The following RNF43 variants were observed in gnomAD, a reference collection of about 807,000 sequenced individuals.
RNF43 encodes E3 ubiquitin-protein ligase RNF43.
Under a neutral mutation model 78.4 loss-of-function variants are expected in RNF43, and 37 were observed. That is an observed-to-expected ratio of 0.47 (90% CI 0.36 to 0.62). The LOEUF is 0.62. Among genes scored for constraint, RNF43 ranks in the 20% least tolerant of loss-of-function variants. RNF43 has a pLI of 0.00. For synonymous variants in RNF43, 347 were observed against 395.0 expected (o/e 0.88, Z 1.44); for missense variants, 774 against 1,007.9 (o/e 0.77, Z 3.14).
At chr17:58,370,031 G>C (rs1475226617) in intron 3 of RNF43, among the ~76,000 whole-genome samples, 2 of 148,694 alleles carry the variant, frequency 1.3e-5, no homozygotes, top group Admixed American at 6.7e-5. Context: ...GTGCTTTGCA[G>C]GTTTCTTCTA....
chr17:58,359,057 A>C (rs1972773057), intron 8 of RNF43, among the ~76,000 whole-genome samples: 1 of 152,094 alleles, frequency 6.6e-6, no homozygotes, highest in Non-Finnish European at 1.5e-5. Context: ...ACCTCCCCTC[A>C]GCCATTTGGA....
intron 6 of RNF43, among the ~76,000 whole-genome samples, chr17:58,362,012 G>A (rs1004978406): frequency 6.6e-6 from 1 of 151,924 alleles, no homozygotes; most frequent in Non-Finnish European, 1.5e-5. Context: ...CTTGAACCCA[G>A]GAGGCAGAGA....
intron 3 of RNF43, among the ~76,000 whole-genome samples, chr17:58,367,787 C>T (rs140431380): frequency 2.0e-5 from 3 of 152,102 alleles, no homozygotes; most frequent in Non-Finnish European, 2.9e-5. Context: ...AAAGAATAAG[C>T]GAGATAACAA....
At chr17:58,381,387 T>C (rs1973314560) in intron 2 of RNF43, among the ~76,000 whole-genome samples, 1 of 152,230 alleles carries the variant, frequency 6.6e-6, no homozygotes, top group African/African-American at 2.4e-5. Flanking sequence ...GTCCATGCGG[T>C]GGCCCTAGGG....
At chr17:58,408,220 G>A (rs539513891) in intron 2 of RNF43, among the ~76,000 whole-genome samples, 14 of 152,124 alleles carry the variant, frequency 9.2e-5, no homozygotes, top group Non-Finnish European at 1.8e-4. Flanking sequence ...CTTTTCATCT[G>A]GAGTCCTTAG....
chr17:58,360,226 T>C lies in RNF43; in HGVS notation c.875A>G (p.His292Arg), dbSNP rs768506009. Residue 292 changes from histidine (H) to arginine (R), a missense_variant, in exon 8 of 10, where the codon CAT (histidine) becomes CGT (arginine). His to Arg is a conservative substitution (Grantham distance 29, BLOSUM62 0). Coordinates refer to ENST00000407977, the MANE Select transcript of RNF43 (RefSeq NM_017763.6). This position sits in a 1 kb window ranked among gnomAD's most constrained non-coding sequence, Gnocchi z 4.3. ...GTCCACACAGTTACGATGGAACTCA[T>C]GGAGGCAGGAAATGACCCGTAGCTC... ...GQELRVISCL[H>R]EFHRNCVDPW... is the part of the protein sequence containing the mutation. 6.2e-7 allele frequency: 1 copy of C among 1,614,078 alleles called. No homozygotes were observed. Among genetic ancestry groups the C allele is most frequent in the Non-Finnish European group, 8.5e-7 (1 of 1,179,976 alleles).
intron 2 of RNF43, among the ~76,000 whole-genome samples, chr17:58,396,242 G>A (rs1414479433): frequency 6.6e-6 from 1 of 152,086 alleles, no homozygotes; most frequent in Non-Finnish European, 1.5e-5. Flanking sequence ...ACTTGACAGT[G>A]GGCATGGATT....
In RNF43 at chr17:58,360,318, A is replaced by AT. The variant is rs1289923292; in HGVS notation, c.850-68dup. 8 of 1,164,398 alleles carry AT rather than the reference A, an allele frequency of 6.9e-6. No individual in the cohort carries two copies. Among genetic ancestry groups the AT allele is most frequent in the Non-Finnish European group, 1.0e-5 (8 of 772,954 alleles). The allele number at this position is 1,164,398 out of a possible 1,614,324, so 72.1% of individuals were successfully genotyped here. ...CATAGGAATTGCCAGGAATCAGGAC[A>AT]TCCCCCAACTCCCTTAGGCCTCTCC... On this transcript the variant is annotated intron_variant, in intron 7 of 9. Coordinates refer to ENST00000407977, the MANE Select transcript of RNF43 (RefSeq NM_017763.6). This position sits in a 1 kb window ranked among gnomAD's most constrained non-coding sequence, Gnocchi z 4.3.
intron 2 of RNF43, among the ~76,000 whole-genome samples, chr17:58,392,315 C>G (rs1027842298): frequency 6.6e-6 from 1 of 152,176 alleles, no homozygotes; most frequent in African/African-American, 2.4e-5. Flanking sequence ...GTTTTTTGCA[C>G]AAATACATAC....
In RNF43 at chr17:58,362,560, G is replaced by C. The variant is rs374485752; in HGVS notation, c.671C>G (p.Pro224Arg). The C allele has an allele frequency of 1.5e-4, 241 of 1,606,602 alleles. No homozygotes were observed. The highest frequency in any genetic ancestry group is 1.8e-4 in the Non-Finnish European group (210 of 1,176,148). Residue 224 changes from proline to arginine, a missense_variant, in exon 6 of 10, where the codon CCC becomes CGC. Coordinates refer to ENST00000407977, the MANE Select transcript of RNF43 (RefSeq NM_017763.6). ...ACTGCTCACCGGCCTGCTGTGGCGG[G>C]GGCGGCACCGGATGCGCAGCACCGA... ...LASVLRIRCR[P>R]RHSRPDPLQQ... is the part of the protein sequence containing the mutation.
In RNF43 at chr17:58,354,437, G is replaced by C; in HGVS notation, c.*506C>G. The C allele has an allele frequency of 4.1e-6, 1 of 243,848 alleles. No individual in the cohort carries two copies. The allele number at this position is 243,848 out of a possible 1,614,324, so 15.1% of individuals were successfully genotyped here. ...AAAGGAAAATGATAGAGCCAGGGTT[G>C]CCCCTGATGTAGCAGCCTTACTGTG... On this transcript the variant is annotated 3_prime_UTR_variant, in exon 10 of 10. Transcript: ENST00000407977.
At chr17:58,364,919 C>T (rs1365412443) in intron 3 of RNF43, among the ~76,000 whole-genome samples, 1 of 152,246 alleles carries the variant, frequency 6.6e-6, no homozygotes, top group East Asian at 1.9e-4. Flanking sequence ...ACTCCCCAGA[C>T]AGCAGCAAGG....
intron 2 of RNF43, among the ~76,000 whole-genome samples, chr17:58,373,652 C>T (rs1973146990): frequency 6.6e-6 from 1 of 152,140 alleles, no homozygotes; most frequent in African/African-American, 2.4e-5. Flanking sequence ...AAGCATTAAT[C>T]CCTTGTATTA....
chr17:58,417,163 C>T lies in RNF43; in HGVS notation c.-532G>A, dbSNP rs1461976656. 6.6e-6 allele frequency: 1 copy of T among 152,152 alleles called. No homozygotes were observed. Among genetic ancestry groups the T allele is most frequent in the African/African-American group, 2.4e-5 (1 of 41,420 alleles). 9.4% of individuals were successfully genotyped at this position (152,152 alleles called of 1,614,324 possible). A position where few individuals can be genotyped will look rare whatever the true frequency, so the allele number is the denominator to read the frequency against. On this transcript the variant is annotated 5_prime_UTR_variant, in exon 1 of 10. Coordinates refer to ENST00000407977, the MANE Select transcript of RNF43 (RefSeq NM_017763.6). ...CTTACTCTGCAACCAAACCAAGTGC[C>T]CCATACTACAGGTAGGTGCCGAGAA...
chr17:58,374,191 G>A (rs1299857023), intron 2 of RNF43, among the ~76,000 whole-genome samples: 3 of 150,120 alleles, frequency 2.0e-5, no homozygotes, highest in Non-Finnish European at 4.4e-5. Context: ...GTAGAGATTA[G>A]AAAAAAAAAG....
chr17:58,390,256 GAGC>G (rs1973523467), intron 2 of RNF43, among the ~76,000 whole-genome samples: 1 of 152,168 alleles, frequency 6.6e-6, no homozygotes, highest in African/African-American at 2.4e-5. Context: ...CATGAGATCA[GAGC>G]TTTCTAACTA....
At chr17:58,409,210 T>C (rs1973975226) in intron 2 of RNF43, among the ~76,000 whole-genome samples, 1 of 152,210 alleles carries the variant, frequency 6.6e-6, no homozygotes, top group Admixed American at 6.5e-5. Flanking sequence ...TCTTTCCCAA[T>C]ATATTTCCTT....
chr17:58,373,056 C>G (rs1341999778), intron 2 of RNF43, among the ~76,000 whole-genome samples: 1 of 152,208 alleles, frequency 6.6e-6, no homozygotes, highest in Non-Finnish European at 1.5e-5. Flanking sequence ...GGTGGGGAAT[C>G]TGAAGGCAGC....
intron 2 of RNF43, among the ~76,000 whole-genome samples, chr17:58,387,769 G>C (rs151140091): frequency 2.0e-5 from 3 of 152,128 alleles, no homozygotes; most frequent in Non-Finnish European, 2.9e-5. Context: ...AAAAAGTTCC[G>C]AATAGTTCTG....
Sources: allele counts gnomAD v4.1 joint callset (sites outside exome capture counted in the v4.1 genomes callset), GRCh38; gene constraint gnomAD v4.1.1; non-coding constraint Gnocchi (gnomAD v3.1); transcripts MANE v1.5; gene names NCBI Gene and HGNC (gene_info 2026-07-23, HGNC 2026-07-21).